The following HS3ST4 variants were observed in gnomAD, a reference collection of about 807,000 sequenced individuals.
HS3ST4 encodes heparan sulfate-glucosamine 3-sulfotransferase 4.
Under a neutral mutation model 29.2 loss-of-function variants are expected in HS3ST4, and 17 were observed. The observed-to-expected ratio is 0.58, with a 90% CI of 0.40 to 0.87. HS3ST4 has a LOEUF of 0.87. HS3ST4 is among the 40% of genes least tolerant of loss of function. HS3ST4 has a pLI of 0.00. For missense variants in HS3ST4, 627 were observed against 634.5 expected, an observed-to-expected ratio of 0.99 and a Z score of 0.13; for synonymous variants, 314 against 285.7, an observed-to-expected ratio of 1.10 and a Z score of -1.00.
intron 1 of HS3ST4, among the ~76,000 whole-genome samples, chr16:25,956,003 A>T (rs1968728556): frequency 6.6e-6 from 1 of 151,732 alleles, no homozygotes; most frequent in African/African-American, 2.4e-5. Context: ...TTTAGTTGAG[A>T]TGGGGTTTCA....
chr16:25,962,027 G>T (rs1026070576), intron 1 of HS3ST4, among the ~76,000 whole-genome samples: 1 of 152,118 alleles, frequency 6.6e-6, no homozygotes, highest in African/African-American at 2.4e-5. Flanking sequence ...AAGCTTATTG[G>T]TTACTAATTC....
intron 1 of HS3ST4, 25 bp downstream of exon 1, chr16:25,693,176 G>A: frequency 2.6e-6 from 4 of 1,537,832 alleles, no homozygotes; most frequent in Non-Finnish European, 3.5e-6. Context: ...TCCGCGGGCT[G>A]GTGGAGACGC....
rs575288031 is a variant in HS3ST4, at chr16:25,959,609, T to C, written c.735-176003T>C. Among the ~76,000 whole-genome samples the C allele has an allele frequency of 6.6e-5, 10 of 152,298 alleles. No individual in the cohort carries two copies. The East Asian group carries it at 1.4e-3, about 21-fold the overall frequency. ...GAAAAAGGGGCAATTTTTGTTGCCA[T>C]CCTTGAAAATATAGTTGCCTACAGG... On this transcript the variant is annotated intron_variant, in intron 1 of 1. Transcript: ENST00000331351.
chr16:25,804,967 C>T (rs1051979530), intron 1 of HS3ST4, among the ~76,000 whole-genome samples: 2 of 152,038 alleles, frequency 1.3e-5, no homozygotes, highest in African/African-American at 4.8e-5. Context: ...TCTAGGTTGG[C>T]ATCAGCAGGT....
chr16:25,774,268 A>G (rs1268279904), intron 1 of HS3ST4, among the ~76,000 whole-genome samples: 1 of 152,234 alleles, frequency 6.6e-6, no homozygotes, highest in Admixed American at 6.5e-5. Context: ...GCAGTTTGGG[A>G]TTTAGCAAAC....
chr16:25,874,369 T>G (rs1027296260), intron 1 of HS3ST4, among the ~76,000 whole-genome samples: 2 of 152,094 alleles, frequency 1.3e-5, no homozygotes, highest in African/African-American at 4.8e-5. Context: ...AGTGGTTTGC[T>G]CCAAATCACA....
intron 1 of HS3ST4, among the ~76,000 whole-genome samples, chr16:25,964,444 C>T (rs894471320): frequency 6.6e-5 from 10 of 152,042 alleles, no homozygotes; most frequent in Non-Finnish European, 1.3e-4. Context: ...TGAAAGTGTA[C>T]GTACCATTGA....
intron 1 of HS3ST4, among the ~76,000 whole-genome samples, chr16:25,924,757 T>C (rs1968386457): frequency 6.6e-6 from 1 of 152,204 alleles, no homozygotes; most frequent in South Asian, 2.1e-4. Context: ...GAAGTGCACT[T>C]GCTTCTGGAA....
chr16:26,067,959 T>A (rs926431715), intron 1 of HS3ST4, among the ~76,000 whole-genome samples: 1 of 152,220 alleles, frequency 6.6e-6, no homozygotes, highest in African/African-American at 2.4e-5. Context: ...CCCAGCCGTG[T>A]GGAACTGTGA....
chr16:26,035,159 G>A (rs1596657987), intron 1 of HS3ST4, among the ~76,000 whole-genome samples: 1 of 152,324 alleles, frequency 6.6e-6, no homozygotes, highest in African/African-American at 2.4e-5. Flanking sequence ...CATGCCATGA[G>A]TGGGTACATT....
At position 26,027,477 on chromosome 16, in the gene HS3ST4, AG is replaced by A. The variant is rs1178166370; in HGVS notation, c.735-108133del. Among the ~76,000 whole-genome samples, 5 of 152,326 alleles carry A rather than the reference AG, an allele frequency of 3.3e-5. No homozygotes were observed. In the Middle Eastern group the frequency reaches 0.014, roughly 414 times the overall value. Reference sequence around the variant, plus strand: ...TGTCTACTTTGTCATGTCATTATTTAGGTCCACATTTACTTCTCCTTCTTGA... The same window carrying A: ...TGTCTACTTTGTCATGTCATTATTTAGTCCACATTTACTTCTCCTTCTTGA... On this transcript the variant is annotated intron_variant, in intron 1 of 1. Coordinates refer to ENST00000331351, the MANE Select transcript of HS3ST4 (RefSeq NM_006040.3).
intron 1 of HS3ST4, among the ~76,000 whole-genome samples, chr16:25,930,498 A>G (rs566842249): frequency 3.3e-5 from 5 of 152,262 alleles, no homozygotes; most frequent in African/African-American, 1.2e-4. Context: ...GAATTTTTTT[A>G]TTTGCAAGTG....
In HS3ST4 at chr16:26,136,074, G is replaced by A; in HGVS notation, c.1197G>A (p.Lys399=). 6.2e-7 allele frequency: 1 copy of A among 1,613,804 alleles called. No individual in the cohort carries two copies. The highest frequency in any genetic ancestry group is 8.5e-7 in the Non-Finnish European group (1 of 1,179,812). The change falls in exon 2 of 2, where the codon AAG becomes AAA. Residue 399 remains lysine (K), a synonymous_variant. Coordinates refer to ENST00000331351, the MANE Select transcript of HS3ST4 (RefSeq NM_006040.3). Reference sequence around the variant, plus strand: ...CCAAGGGGTTCCCTTGCCTAAAGAAGCCAGAAGACAGCAGTGCCCCGAGGT... The same window carrying A: ...CCAAGGGGTTCCCTTGCCTAAAGAAACCAGAAGACAGCAGTGCCCCGAGGT... ...NKTKGFPCLK[K]PEDSSAPRCL...
intron 1 of HS3ST4, among the ~76,000 whole-genome samples, chr16:25,925,423 C>T (rs1275115648): frequency 6.6e-6 from 1 of 152,058 alleles, no homozygotes; most frequent in Non-Finnish European, 1.5e-5. Flanking sequence ...TTCCTGGGCA[C>T]CTTGATTTTT....
intron 1 of HS3ST4, among the ~76,000 whole-genome samples, chr16:25,719,173 G>A (rs1966476943): frequency 6.6e-6 from 1 of 152,182 alleles, no homozygotes; most frequent in Non-Finnish European, 1.5e-5. Flanking sequence ...ATCTCTAAAG[G>A]TCCAGAAAGA....
At chr16:26,011,601 A>G (rs1023167323) in intron 1 of HS3ST4, among the ~76,000 whole-genome samples, 2 of 152,146 alleles carry the variant, frequency 1.3e-5, no homozygotes, top group Admixed American at 6.5e-5. Context: ...ATACATGACC[A>G]CGTACAATAA....
intron 1 of HS3ST4, among the ~76,000 whole-genome samples, chr16:25,953,398 C>G (rs1446718353): frequency 1.3e-5 from 2 of 152,216 alleles, no homozygotes; most frequent in African/African-American, 4.8e-5. Context: ...TTCCTTAGTA[C>G]TAGAAAGCCT....
chr16:25,803,927 A>C (rs770470557), intron 1 of HS3ST4, among the ~76,000 whole-genome samples: 1 of 151,836 alleles, frequency 6.6e-6, no homozygotes, highest in African/African-American at 2.4e-5. Flanking sequence ...TTCATTTTTC[A>C]TATTTTGGTT....
intron 1 of HS3ST4, among the ~76,000 whole-genome samples, chr16:26,034,216 T>G (rs1372705677): frequency 6.6e-6 from 1 of 152,146 alleles, no homozygotes; most frequent in Non-Finnish European, 1.5e-5. Context: ...CTAATGGGCA[T>G]CACAATATCA....
Sources: allele counts gnomAD v4.1 joint callset (sites outside exome capture counted in the v4.1 genomes callset), GRCh38; gene constraint gnomAD v4.1.1; transcripts MANE v1.5; gene names NCBI Gene and HGNC (gene_info 2026-07-23, HGNC 2026-07-21).